Variants in NBEA observed in about 807,000 individuals in gnomAD.
NBEA encodes the protein neurobeachin.
Under a neutral mutation model 343.4 loss-of-function variants are expected in NBEA, and 44 were observed. The observed-to-expected ratio is 0.13, with a 90% CI of 0.10 to 0.16. The LOEUF (loss-of-function observed/expected upper bound fraction) is 0.16. Among genes scored for constraint, NBEA ranks in the 10% least tolerant of loss-of-function variants. The probability of loss-of-function intolerance (pLI) is 1.00; values close to 1 mark genes in which losing one functional copy is unlikely to be tolerated. For synonymous variants in NBEA, 1,175 were observed against 1,238.7 expected (o/e 0.95, Z 1.08); for missense variants, 2,555 against 3,631.3 (o/e 0.70, Z 7.62).
intron 2 of NBEA, among the ~76,000 whole-genome samples, chr13:35,044,315 G>T (rs1410227147): frequency 2.0e-5 from 3 of 152,114 alleles, no homozygotes; most frequent in Non-Finnish European, 2.9e-5. Context: ...GCCACAATTT[G>T]CTCATTTTAA....
intron 38 of NBEA, among the ~76,000 whole-genome samples, chr13:35,369,156 A>ATT (rs36109768): frequency 0.036 from 4,628 of 128,216 alleles, 230 homozygotes; most frequent in African/African-American, 0.087. Context: ...TGCCAGCACC[A>ATT]TTTTTTTTTT....
In NBEA at chr13:35,010,683, AATTCAAG is replaced by A. The variant is rs2061454817; in HGVS notation, c.295-30248_295-30242del. 2.9e-5 allele frequency among the ~76,000 whole-genome samples: 4 copies of A among 139,728 alleles called. No homozygotes were observed. The Admixed American group carries it at 3.0e-4, about 11-fold the overall frequency. 91.7% of individuals were successfully genotyped at this position (139,728 alleles called of 152,430 possible). A position where few individuals can be genotyped will look rare whatever the true frequency, so the allele number is the denominator to read the frequency against. On this transcript the variant is annotated intron_variant, in intron 1 of 58. Transcript: ENST00000379939. Reference sequence around the variant, plus strand: ...AGGATAAGTTGAGTCCGGGAATGGGAATTCAAGACCAGCCTGGACAACATAGCAAGAC... The same window carrying A: ...AGGATAAGTTGAGTCCGGGAATGGGAACCAGCCTGGACAACATAGCAAGAC...
chr13:35,523,435 T>C (rs1447890358), intron 41 of NBEA, among the ~76,000 whole-genome samples: 1 of 152,188 alleles, frequency 6.6e-6, no homozygotes, highest in Non-Finnish European at 1.5e-5. Flanking sequence ...ACATTGTGTT[T>C]CCTGTGAGAC....
Position 34,942,762 on chromosome 13 carries a change from A to G in NBEA, c.-59A>G, listed in dbSNP as rs1297924061. The G allele has an allele frequency of 1.6e-6, 2 of 1,218,304 alleles. No homozygotes were observed. The highest frequency in any genetic ancestry group is 3.1e-4 in the Middle Eastern group (1 of 3,214). The allele number at this position is 1,218,304 out of a possible 1,614,324, so 75.5% of individuals were successfully genotyped here. A position where few individuals can be genotyped will look rare whatever the true frequency, so the allele number is the denominator to read the frequency against. On this transcript the variant is annotated 5_prime_UTR_variant, in exon 1 of 59. Transcript: ENST00000379939. ...CCGGGGGGCGGGGGCCGAGGCAGGT[A>G]TAACGGTACCGGCGGCGGCAGCGCC...
rs114342610 is a variant in NBEA at position 35,205,974 on chromosome 13, G to A, written c.5367-2726G>A. ...TACCACGTAGTAACTGCTGAAGGTAGAATTCTAACCCGGGTCTGTAGGGTT... is the reference window on the plus strand; with the variant it reads ...TACCACGTAGTAACTGCTGAAGGTAAAATTCTAACCCGGGTCTGTAGGGTT... On this transcript the variant is annotated intron_variant, in intron 31 of 58. Transcript: ENST00000379939. Among the ~76,000 whole-genome samples the A allele has an allele frequency of 3.4e-3, 517 of 152,150 alleles. 2 individuals carry two copies. The highest frequency in any genetic ancestry group is 0.011 in the African/African-American group (476 of 41,532).
At chr13:35,380,352 G>A (rs2041953583) in intron 38 of NBEA, among the ~76,000 whole-genome samples, 1 of 152,058 alleles carries the variant, frequency 6.6e-6, no homozygotes, top group South Asian at 2.1e-4. Context: ...GGCTGAGACA[G>A]GAGAATCACT....
In NBEA at chr13:35,554,984, T is replaced by A. The variant is rs2079515421; in HGVS notation, c.6807-3T>A. 7.1e-6 allele frequency: 11 copies of A among 1,551,632 alleles called. No individual in the cohort carries two copies. Among genetic ancestry groups the A allele is most frequent in the African/African-American group, 1.4e-5 (1 of 73,674 alleles). ...TGTTTGTTATGCTGTGCTTAATTGC[T>A]AGGAGGATATCATTGGCCACTCCTC... is the stretch of plus-strand genomic sequence containing the variant. On this transcript the variant is annotated splice_region_variant and splice_polypyrimidine_tract_variant and intron_variant, in intron 43 of 58. Coordinates refer to ENST00000379939, the MANE Select transcript of NBEA (RefSeq NM_001385012.1).
intron 33 of NBEA, among the ~76,000 whole-genome samples, chr13:35,217,230 T>G (rs974146034): frequency 3.9e-5 from 6 of 152,068 alleles, no homozygotes; most frequent in African/African-American, 1.2e-4. Context: ...GATCACTGTT[T>G]AACTTTTGAA....
At chr13:35,219,870 A>AGGAGG (rs2074267156) in intron 33 of NBEA, among the ~76,000 whole-genome samples, 1 of 152,140 alleles carries the variant, frequency 6.6e-6, no homozygotes, top group Non-Finnish European at 1.5e-5. Flanking sequence ...GACTAGATGA[A>AGGAGG]GCCTTCTTCC....
At chr13:35,255,651 T>C (rs1299848839) in intron 34 of NBEA, among the ~76,000 whole-genome samples, 2 of 152,246 alleles carry the variant, frequency 1.3e-5, no homozygotes, top group Admixed American at 1.3e-4. Flanking sequence ...ACCTGGAAGC[T>C]TGGAGACGCC....
At chr13:35,095,330 T>C (rs2065278339) in intron 10 of NBEA, among the ~76,000 whole-genome samples, 1 of 150,920 alleles carries the variant, frequency 6.6e-6, no homozygotes, top group Non-Finnish European at 1.5e-5. Flanking sequence ...TATTTTATTA[T>C]AAACAAATTA....
rs752845093 is a variant in NBEA, at chr13:35,159,891, A to G, written c.3720A>G (p.Thr1240=). ...TGGAGTATGCTGAAATGACTGCTAC[A>G]ACTCTGGAAACTGAGTCTTCTAGTA... ...KGLEYAEMTA[T]TLETESSSSK... Residue 1240 remains threonine, a synonymous_variant, in exon 22 of 59, where the codon ACA becomes ACG. Coordinates refer to ENST00000379939, the MANE Select transcript of NBEA (RefSeq NM_001385012.1). 4 of 1,599,752 alleles carry G rather than the reference A, an allele frequency of 2.5e-6. No homozygotes were observed. In the Admixed American group the frequency reaches 5.2e-5, roughly 21 times the overall value.
chr13:35,078,635 G>A (rs1054564722), intron 10 of NBEA, among the ~76,000 whole-genome samples: 2 of 152,156 alleles, frequency 1.3e-5, no homozygotes, highest in Non-Finnish European at 2.9e-5. Flanking sequence ...CCATAGGCAA[G>A]GATTTATAAT....
At chr13:35,165,666 AT>A (rs1415813695) in intron 24 of NBEA, among the ~76,000 whole-genome samples, 1 of 148,476 alleles carries the variant, frequency 6.7e-6, no homozygotes, top group Admixed American at 6.7e-5. Flanking sequence ...CATAGAGGGC[AT>A]TTTTTTCTTC....
At chr13:35,288,631 T>C (rs2035594613) in intron 34 of NBEA, among the ~76,000 whole-genome samples, 1 of 151,978 alleles carries the variant, frequency 6.6e-6, no homozygotes, top group South Asian at 2.1e-4. Context: ...CATAGGGTTT[T>C]TTATAAGTTC....
At chr13:35,014,405 C>T (rs1593465621) in intron 1 of NBEA, among the ~76,000 whole-genome samples, 1 of 152,136 alleles carries the variant, frequency 6.6e-6, no homozygotes, top group East Asian at 1.9e-4. Context: ...AAAGTTGTTG[C>T]ATACTTCACA....
chr13:35,090,832 T>A (rs754967868), intron 10 of NBEA, among the ~76,000 whole-genome samples: 24 of 152,102 alleles, frequency 1.6e-4, no homozygotes, highest in African/African-American at 5.5e-4. Flanking sequence ...ACACAGCCAC[T>A]ATTTCACAGC....
intron 38 of NBEA, among the ~76,000 whole-genome samples, chr13:35,353,994 T>G (rs185392682): frequency 2.6e-4 from 39 of 152,304 alleles, no homozygotes; most frequent in Middle Eastern, 3.4e-3. Context: ...AATTTCTTCT[T>G]CTCCGGGAAA....
At chr13:35,239,530 G>A (rs190378457) in intron 34 of NBEA, among the ~76,000 whole-genome samples, 177 of 152,122 alleles carry the variant, frequency 1.2e-3, no homozygotes, top group African/African-American at 7.7e-4. Context: ...ATTTTATCCC[G>A]TGTTCTTGAA....
Sources: gnomAD v4.1 joint callset for allele counts (sites outside exome capture counted in the v4.1 genomes callset) on GRCh38, gnomAD v4.1.1 for gene constraint, MANE v1.5 for transcripts, NCBI Gene and HGNC (gene_info 2026-07-23, HGNC 2026-07-21) for gene names.